The following CES4A variants were observed in gnomAD, a reference collection of about 807,000 sequenced individuals.
CES4A encodes carboxylesterase 6.
A neutral mutation model predicts 65.4 loss-of-function variants in CES4A; 48 were observed. The ratio of observed to expected loss-of-function variants is 0.73; its 90% CI spans 0.58 to 0.93. CES4A has a LOEUF of 0.93. CES4A is among the 40% of genes least tolerant of loss of function. The pLI is 0.00. For missense variants in CES4A, 685 were observed against 728.5 expected (o/e 0.94, Z 0.69); for synonymous variants, 247 against 281.8 (o/e 0.88, Z 1.24).
Position 67,003,943 on chromosome 16 carries a change from C to G in CES4A, c.940-141C>G. ...CCTGCTCCCCTCCCACACCCATCCT[C>G]CTGGGGCTCACCATGCCAGCCCCAG... On this transcript the variant is annotated intron_variant, in intron 8 of 13. Coordinates refer to ENST00000648724, the Ensembl canonical transcript of CES4A. This position sits in a 1 kb window ranked among gnomAD's most constrained non-coding sequence, Gnocchi z 4.2. 1 of 884,444 alleles carries G rather than the reference C, an allele frequency of 1.1e-6. No homozygotes were observed. The highest frequency in any genetic ancestry group is 1.8e-6 in the Non-Finnish European group (1 of 556,586). The allele number at this position is 884,444 out of a possible 1,614,324, so 54.8% of individuals were successfully genotyped here.
chr16:66,995,112 C>A (rs1964727504), intron 1 of CES4A, among the ~76,000 whole-genome samples: 1 of 151,924 alleles, frequency 6.6e-6, no homozygotes, highest in Non-Finnish European at 1.5e-5. Flanking sequence ...GAGATCGAGA[C>A]CATCCTGGCT....
At chr16:67,008,682 G>C (rs890524852) in intron 13 of CES4A, 4 of 286,320 alleles carry the variant, frequency 1.4e-5, no homozygotes, top group Non-Finnish European at 2.6e-5. Context: ...TTACAGGCAT[G>C]AGCCACCAGG....
At chr16:67,005,585 A>G (rs143557572) in intron 11 of CES4A, 192 bp downstream of exon 11, 22,221 of 564,014 alleles carry the variant, frequency 0.039, 682 homozygotes, top group South Asian at 0.081. Flanking sequence ...GGTGGCTCAC[A>G]CCTGTAATCC....
chr16:67,010,070 T>G (rs1032724714), downstream of CES4A, among the ~76,000 whole-genome samples: 11 of 151,044 alleles, frequency 7.3e-5, no homozygotes, highest in African/African-American at 1.5e-4. Context: ...GTGGGGTTTT[T>G]TTTTTTTTTT....
In CES4A at chr16:67,004,238, A is replaced by C; in HGVS notation, c.1080+14A>C. The C allele has an allele frequency of 6.2e-7, 1 of 1,613,972 alleles. No homozygotes were observed. ...CTCTTGCCTTATGTAAGTGAGTAGG[A>C]GTTCAATTGGCTCTTGCCTTACGTA... On this transcript the variant is annotated intron_variant, in intron 9 of 13. Transcript: ENST00000648724.
chr16:67,002,673 G>A, intron 5 of CES4A, among the ~76,000 whole-genome samples: 1 of 152,052 alleles, frequency 6.6e-6, no homozygotes, highest in South Asian at 2.1e-4. Flanking sequence ...GGACAGGATG[G>A]GAGGCCCTAG....
intron 1 of CES4A, among the ~76,000 whole-genome samples, 157 bp from the exon 2 acceptor site, chr16:66,995,471 C>G (rs1331634132): frequency 6.6e-6 from 1 of 152,140 alleles, no homozygotes; most frequent in East Asian, 1.9e-4. Flanking sequence ...ACAGATGGGC[C>G]AGGGTCCCAT....
chr16:66,989,596 A>G (rs1453763552), intron 1 of CES4A, among the ~76,000 whole-genome samples: 2 of 151,938 alleles, frequency 1.3e-5, no homozygotes, highest in Non-Finnish European at 2.9e-5. Flanking sequence ...ACAAGGATAC[A>G]CCTGTAATCC....
chr16:67,005,327 A>T (rs1161248260), exon 11 of CES4A: 2 of 1,614,166 alleles, frequency 1.2e-6, no homozygotes, highest in Admixed American at 1.7e-5. Flanking sequence ...ACGAAACCGT[A>T]TGATGGACAT....
At chr16:67,002,227 G>A (rs961622628) in intron 5 of CES4A, among the ~76,000 whole-genome samples, 1 of 152,036 alleles carries the variant, frequency 6.6e-6, no homozygotes, top group Non-Finnish European at 1.5e-5. Context: ...GTGCAATGGC[G>A]TGATCTCAGC....
chr16:66,990,335 G>A (rs547887957), intron 1 of CES4A, among the ~76,000 whole-genome samples: 1 of 152,300 alleles, frequency 6.6e-6, no homozygotes, highest in Non-Finnish European at 1.5e-5. Context: ...CCGCAGGCAT[G>A]AGCCACCATG....
Position 67,000,404 on chromosome 16 carries a change from C to T in CES4A, c.261-234C>T. On this transcript the variant is annotated intron_variant, in intron 2 of 13. Transcript: ENST00000648724. This position sits in a 1 kb window ranked among gnomAD's most constrained non-coding sequence, Gnocchi z 4.2. Reference sequence around the variant, plus strand: ...GCACCAACAGGAGCAGGAATCTCTCCACGGACTGAGGCGCCGGGCAGGGAG... The same window carrying T: ...GCACCAACAGGAGCAGGAATCTCTCTACGGACTGAGGCGCCGGGCAGGGAG... 1.5e-6 allele frequency: 2 copies of T among 1,316,876 alleles called. No individual in the cohort carries two copies. Among genetic ancestry groups the T allele is most frequent in the Non-Finnish European group, 2.0e-6 (2 of 1,011,240 alleles). 81.6% of individuals were successfully genotyped at this position (1,316,876 alleles called of 1,614,324 possible).
intron 1 of CES4A, among the ~76,000 whole-genome samples, chr16:66,990,375 A>G (rs2145568056): frequency 6.6e-6 from 1 of 152,178 alleles, no homozygotes; most frequent in African/African-American, 2.4e-5. Flanking sequence ...TTCATTGTGT[A>G]TTTATCTATA....
Position 66,988,934 on chromosome 16 carries a change from C to CTTAG in CES4A, c.58+105_58+108dup. On this transcript the variant is annotated intron_variant, in intron 1 of 13. Coordinates refer to ENST00000648724, the Ensembl canonical transcript of CES4A. ...TCCTGGGGACAGCAGGGCAGGAGCA[C>CTTAG]TTAGACAAGGCCTGGGCAAATGGAG... is the stretch of plus-strand genomic sequence containing the variant. The CTTAG allele has an allele frequency of 3.0e-6, 4 of 1,353,388 alleles. No individual in the cohort carries two copies. In the South Asian group the frequency reaches 5.9e-5, roughly 20 times the overall value. 83.8% of individuals were successfully genotyped at this position (1,353,388 alleles called of 1,614,324 possible). A position where few individuals can be genotyped will look rare whatever the true frequency, so the allele number is the denominator to read the frequency against.
chr16:66,998,134 A>G (rs1965005172), intron 2 of CES4A, among the ~76,000 whole-genome samples: 1 of 151,962 alleles, frequency 6.6e-6, no homozygotes, highest in Non-Finnish European at 1.5e-5. Context: ...CTGGGCCTGG[A>G]TGATGGGAGA....
intron 13 of CES4A, chr16:67,007,155 A>C: frequency 3.6e-6 from 1 of 279,642 alleles, no homozygotes; most frequent in Non-Finnish European, 6.7e-6. Flanking sequence ...CACCACATAA[A>C]ATCAGGAAAT....
At chr16:67,002,543 G>A (rs1029906780) in intron 5 of CES4A, among the ~76,000 whole-genome samples, 1 of 152,074 alleles carries the variant, frequency 6.6e-6, no homozygotes, top group Non-Finnish European at 1.5e-5. Flanking sequence ...GCTGGGGTGT[G>A]GTCATTAGCA....
intron 1 of CES4A, among the ~76,000 whole-genome samples, chr16:66,995,124 G>A (rs897472166): frequency 1.4e-4 from 21 of 152,002 alleles, no homozygotes; most frequent in South Asian, 4.2e-4. Context: ...ATCCTGGCTA[G>A]CATGGTGAAA....
rs767264840 is a variant in CES4A at position 66,995,779 on chromosome 16, AC to A, written c.215del (p.Pro72ArgfsTer48). On this transcript the variant is annotated frameshift_variant, in exon 2 of 14. Coordinates refer to ENST00000648724, the Ensembl canonical transcript of CES4A. LOFTEE classifies it high-confidence loss of function. ...GTATCCTCAGGTTTGCACCTCCAGA[AC>A]CCCCGGAGCCCTGGAAAGGAATCAG... The A allele has an allele frequency of 9.9e-6, 16 of 1,613,826 alleles. No homozygotes were observed. Among genetic ancestry groups the A allele is most frequent in the Non-Finnish European group, 1.3e-5 (15 of 1,179,990 alleles).
Sources: gnomAD v4.1 joint callset for allele counts (sites outside exome capture counted in the v4.1 genomes callset) on GRCh38, gnomAD v4.1.1 for gene constraint, Gnocchi (gnomAD v3.1) non-coding constraint, MANE v1.5 for transcripts, NCBI Gene and HGNC (gene_info 2026-07-23, HGNC 2026-07-21) for gene names.